Variants in ATG10 observed in about 807,000 individuals in gnomAD.
ATG10 encodes the protein ubiquitin-like-conjugating enzyme ATG10.
In ATG10, 30 loss-of-function variants were observed where a neutral mutation model predicts 32.1. That is an observed-to-expected ratio of 0.94 (90% CI 0.70 to 1.27). The LOEUF (loss-of-function observed/expected upper bound fraction) is 1.27. Among genes scored for constraint, ATG10 ranks in the 50% most tolerant of loss-of-function variants. The pLI is 0.00. For synonymous variants in ATG10, 87 were observed against 91.5 expected, an observed-to-expected ratio of 0.95 and a Z score of 0.28; for missense variants, 233 against 262.3, an observed-to-expected ratio of 0.89 and a Z score of 0.77.
chr5:81,989,217 A>T (rs1291207004), intron 2 of ATG10, among the ~76,000 whole-genome samples: 2 of 152,246 alleles, frequency 1.3e-5, no homozygotes. Context: ...CGGTTCCCGA[A>T]AAGTGATGAA....
intron 5 of ATG10, among the ~76,000 whole-genome samples, chr5:82,195,705 T>C (rs1336820586): frequency 6.6e-6 from 1 of 152,216 alleles, no homozygotes; most frequent in African/African-American, 2.4e-5. Flanking sequence ...GTAACACATA[T>C]AAGTACTTTA....
intron 2 of ATG10, among the ~76,000 whole-genome samples, chr5:82,035,922 T>C (rs1051376882): frequency 6.6e-6 from 1 of 151,988 alleles, no homozygotes; most frequent in African/African-American, 2.4e-5. Context: ...TTTTAAGTTT[T>C]AATAAATCTT....
intron 3 of ATG10, among the ~76,000 whole-genome samples, chr5:82,151,909 A>G (rs544939961): frequency 1.3e-5 from 2 of 152,342 alleles, no homozygotes; most frequent in African/African-American, 4.8e-5. Context: ...ACCCAGTGAT[A>G]TACTTCCTCT....
At chr5:82,137,060 C>T (rs1169112352) in intron 3 of ATG10, among the ~76,000 whole-genome samples, 1 of 152,090 alleles carries the variant, frequency 6.6e-6, no homozygotes, top group Non-Finnish European at 1.5e-5. Flanking sequence ...TCAGCTCCAT[C>T]AGGTCATTTG....
chr5:82,237,505 A>G (rs182147377), intron 5 of ATG10, among the ~76,000 whole-genome samples: 1 of 152,010 alleles, frequency 6.6e-6, no homozygotes, highest in Non-Finnish European at 1.5e-5. Flanking sequence ...TTAGCTGGAC[A>G]TGGTGGCGTG....
rs1366109207 is a variant in ATG10, at chr5:82,252,415, T to G, written c.454-147T>G. 5 of 620,112 alleles carry G rather than the reference T, an allele frequency of 8.1e-6. No homozygotes were observed. The African/African-American group carries it at 9.6e-5, about 12-fold the overall frequency. The allele number at this position is 620,112 out of a possible 1,614,324, so 38.4% of individuals were successfully genotyped here. A position where few individuals can be genotyped will look rare whatever the true frequency, so the allele number is the denominator to read the frequency against. ...TTCTGATGTTTGGATTATAAATTGT[T>G]TTTAAAAATAGAAAATAAACCTGTA... On this transcript the variant is annotated intron_variant, in intron 5 of 7. Transcript: ENST00000282185.
intron 3 of ATG10, among the ~76,000 whole-genome samples, chr5:82,139,900 GC>G (rs1374482862): frequency 3.0e-5 from 4 of 135,350 alleles, no homozygotes; most frequent in African/African-American, 8.3e-5. Context: ...GGGGGGGTCA[GC>G]CCCCCGCCTG....
chr5:81,975,173 A>G (rs1250566409), intron 1 of ATG10, among the ~76,000 whole-genome samples: 4 of 152,198 alleles, frequency 2.6e-5, no homozygotes, highest in African/African-American at 7.2e-5. Context: ...AATATATGCA[A>G]TTTTAATTAT....
intron 2 of ATG10, among the ~76,000 whole-genome samples, chr5:82,056,868 A>G (rs565087058): frequency 3.9e-5 from 6 of 152,332 alleles, no homozygotes; most frequent in African/African-American, 1.4e-4. Flanking sequence ...CAGTCATTAC[A>G]TATATCTTTC....
intron 2 of ATG10, among the ~76,000 whole-genome samples, chr5:82,044,277 A>C (rs1407214368): frequency 6.6e-6 from 1 of 152,116 alleles, no homozygotes; most frequent in Admixed American, 6.5e-5. Flanking sequence ...ACATCTTATG[A>C]GAACTCACTC....
At position 81,986,093 on chromosome 5, in the gene ATG10, A is replaced by G. The variant is rs968896036; in HGVS notation, c.-12-1466A>G. ...CTGCCTAATTTTTTGTATTTTTAGT[A>G]GAGATGGGGTTTCACCGTGTTAGCC... is the stretch of plus-strand genomic sequence containing the variant. On this transcript the variant is annotated intron_variant, in intron 1 of 7. Transcript: ENST00000282185. 2.0e-5 allele frequency among the ~76,000 whole-genome samples: 3 copies of G among 151,470 alleles called. No homozygotes were observed. The East Asian group carries it at 5.8e-4, about 29-fold the overall frequency.
intron 3 of ATG10, among the ~76,000 whole-genome samples, chr5:82,109,950 T>TCCCC (rs5869105): frequency 2.8e-5 from 4 of 145,414 alleles, no homozygotes; most frequent in East Asian, 2.2e-4. Flanking sequence ...CTATCCCCCA[T>TCCCC]CCCCCCACCC....
intron 5 of ATG10, among the ~76,000 whole-genome samples, chr5:82,213,660 A>G (rs1745573129): frequency 6.6e-6 from 1 of 152,232 alleles, no homozygotes; most frequent in South Asian, 2.1e-4. Flanking sequence ...TTGTGTGGCC[A>G]ACTCCATGCA....
At chr5:82,131,700 G>A (rs894749858) in intron 3 of ATG10, among the ~76,000 whole-genome samples, 1 of 150,544 alleles carries the variant, frequency 6.6e-6, no homozygotes, top group Non-Finnish European at 1.5e-5. Flanking sequence ...TGTCTGCCCT[G>A]TGCCTCTGTT....
At chr5:82,197,454 GTCTA>G (rs957719083) in intron 5 of ATG10, among the ~76,000 whole-genome samples, 18 of 126,858 alleles carry the variant, frequency 1.4e-4, no homozygotes, top group Admixed American at 9.1e-4. Flanking sequence ...CTATCTATCT[GTCTA>G]TCTACCTACC....
chr5:82,084,072 T>C (rs958049947), intron 3 of ATG10, among the ~76,000 whole-genome samples: 2 of 152,088 alleles, frequency 1.3e-5, no homozygotes, highest in Admixed American at 6.5e-5. Flanking sequence ...ACAAAGAAGC[T>C]AAAAACCTGG....
intron 5 of ATG10, among the ~76,000 whole-genome samples, chr5:82,203,891 G>T (rs909713664): frequency 6.6e-6 from 1 of 151,974 alleles, no homozygotes; most frequent in Non-Finnish European, 1.5e-5. Context: ...CTTTTATTGC[G>T]GTCCCAGGTA....
At chr5:81,994,323 G>A (rs879447774) in intron 2 of ATG10, among the ~76,000 whole-genome samples, 2 of 151,982 alleles carry the variant, frequency 1.3e-5, no homozygotes, top group Non-Finnish European at 2.9e-5. Flanking sequence ...CTTTCACGCT[G>A]TCTCCAGAGT....
At chr5:82,012,022 T>A (rs557216049) in intron 2 of ATG10, among the ~76,000 whole-genome samples, 1 of 152,336 alleles carries the variant, frequency 6.6e-6, no homozygotes, top group African/African-American at 2.4e-5. Context: ...TTACTGATGA[T>A]GCTGCTGGAT....
Sources: gnomAD v4.1 joint callset for allele counts (sites outside exome capture counted in the v4.1 genomes callset) on GRCh38, gnomAD v4.1.1 for gene constraint, MANE v1.5 for transcripts, NCBI Gene and HGNC (gene_info 2026-07-23, HGNC 2026-07-21) for gene names.